TP53BP2: variants seen among roughly 807,000 people sequenced by gnomAD.
TP53BP2 encodes apoptosis-stimulating of p53 protein 2.
TP53BP2 carries 62 observed loss-of-function variants against 126.2 expected under a neutral mutation model. The ratio of observed to expected loss-of-function variants is 0.49; its 90% CI spans 0.40 to 0.61. The LOEUF is 0.61. Among genes scored for constraint, TP53BP2 ranks in the 20% least tolerant of loss-of-function variants. The pLI is 0.00. For missense variants in TP53BP2, 1,215 were observed against 1,402.8 expected, an observed-to-expected ratio of 0.87 and a Z score of 2.14; for synonymous variants, 485 against 502.9, an observed-to-expected ratio of 0.96 and a Z score of 0.48.
chr1:223,815,508 C>T (rs1484870378), intron 2 of TP53BP2, among the ~76,000 whole-genome samples: 4 of 152,178 alleles, frequency 2.6e-5, no homozygotes, highest in Non-Finnish European at 5.9e-5. Context: ...AGTAAAATCT[C>T]CAGGTTCCAG....
chr1:223,792,325 G>GAC, intron 15 of TP53BP2, 64 bp downstream of exon 15: 1 of 1,532,268 alleles, frequency 6.5e-7, no homozygotes, highest in Non-Finnish European at 8.8e-7. Flanking sequence ...ACAGCACTAT[G>GAC]ACAACTGCTT....
intron 1 of TP53BP2, among the ~76,000 whole-genome samples, chr1:223,830,805 A>G (rs962969688): frequency 3.9e-5 from 6 of 152,174 alleles, no homozygotes; most frequent in African/African-American, 1.4e-4. Context: ...CTTTAAAAAT[A>G]TATGTACCAT....
chr1:223,795,516 C>A (rs993243452), intron 13 of TP53BP2, among the ~76,000 whole-genome samples: 3 of 152,132 alleles, frequency 2.0e-5, no homozygotes, highest in African/African-American at 7.2e-5. Flanking sequence ...TCTTTTGAGT[C>A]CCAGTCGGGT....
At chr1:223,804,458 C>T (rs1025121474) in intron 5 of TP53BP2, 110 bp from the exon 6 acceptor site, 1 of 992,370 alleles carries the variant, frequency 1.0e-6, no homozygotes, top group African/African-American at 1.6e-5. Flanking sequence ...CACTTGTAAC[C>T]CTGGTCTGGT....
chr1:223,795,580 T>TTATAGGGA (rs1389004460), intron 13 of TP53BP2, among the ~76,000 whole-genome samples: 4 of 152,048 alleles, frequency 2.6e-5, no homozygotes, highest in African/African-American at 9.7e-5. Flanking sequence ...AATGCAGTGT[T>TTATAGGGA]TATAGGGATA....
chr1:223,831,279 T>C (rs1663700592), intron 1 of TP53BP2, among the ~76,000 whole-genome samples: 1 of 147,068 alleles, frequency 6.8e-6, no homozygotes, highest in Non-Finnish European at 1.5e-5. Context: ...CTGTAGTCCG[T>C]CCTAGCTACT....
chr1:223,821,122 C>T, intron 2 of TP53BP2, 98 bp downstream of exon 2: 1 of 1,486,930 alleles, frequency 6.7e-7, no homozygotes, highest in Non-Finnish European at 9.2e-7. Flanking sequence ...TCCAGTTTCT[C>T]CCCGGAGAAA....
chr1:223,835,521 T>C (rs987627680), intron 1 of TP53BP2, among the ~76,000 whole-genome samples: 3 of 152,204 alleles, frequency 2.0e-5, no homozygotes, highest in Non-Finnish European at 2.9e-5. Context: ...CTGTTACAGA[T>C]TTCATTCTGT....
intron 16 of TP53BP2, among the ~76,000 whole-genome samples, chr1:223,784,582 A>C (rs1348846660): frequency 2.0e-5 from 3 of 152,200 alleles, no homozygotes; most frequent in African/African-American, 7.2e-5. Context: ...CATCTCTTAA[A>C]GGAGCTACTC....
chr1:223,807,525 C>T (rs538725451), intron 4 of TP53BP2, among the ~76,000 whole-genome samples: 1 of 151,000 alleles, frequency 6.6e-6, no homozygotes, highest in Non-Finnish European at 1.5e-5. Flanking sequence ...ACTGCCTTCA[C>T]AGACAATATA....
chr1:223,838,633 C>T (rs1457278818), intron 1 of TP53BP2, among the ~76,000 whole-genome samples: 1 of 152,240 alleles, frequency 6.6e-6, no homozygotes, highest in Non-Finnish European at 1.5e-5. Flanking sequence ...TCCTACTCTG[C>T]TCCTTTCCTA....
At position 223,796,237 on chromosome 1, in the gene TP53BP2, T is replaced by A; in HGVS notation, c.2302A>T (p.Met768Leu). The A allele has an allele frequency of 6.2e-7, 1 of 1,614,150 alleles. No individual in the cohort carries two copies. Among genetic ancestry groups the A allele is most frequent in the Non-Finnish European group, 8.5e-7 (1 of 1,180,000 alleles). ...LLYQRTTIAA[M>L]ETISVPSYPS... Reference sequence around the variant, plus strand: ...TATGATGGGACAGAGATGGTCTCCATGGCCGCTATGGTGGTCCTCTGATAT... The same window carrying A: ...TATGATGGGACAGAGATGGTCTCCAAGGCCGCTATGGTGGTCCTCTGATAT... The change falls in exon 13 of 18, where the codon ATG becomes TTG. Residue 768 changes from methionine (M) to leucine (L), a missense_variant. By Grantham distance (15) the Met-to-Leu change is conservative (BLOSUM62 2). Around this residue, in one of 4 missense-constraint regions of TP53BP2, gnomAD observed 46 missense variants for 93.0 expected, o/e 0.49. Transcript: ENST00000343537. This position sits in a 1 kb window ranked among gnomAD's most constrained non-coding sequence, Gnocchi z 4.2.
rs141581768 is a variant in TP53BP2, at chr1:223,801,150, A to C, written c.1226-340T>G. ...AGGTGTATTTTATAAATGATATTTT[A>C]AGTGATACATGCACAACACAAAAGT... is the stretch of plus-strand genomic sequence containing the variant. On this transcript the variant is annotated intron_variant, in intron 9 of 17. Transcript: ENST00000343537. Among the ~76,000 whole-genome samples the C allele has an allele frequency of 6.8e-3, 1,043 of 152,368 alleles. 10 individuals carry two copies. The highest frequency in any genetic ancestry group is 0.024 in the African/African-American group (1,008 of 41,592).
chr1:223,804,174 C>G lies in TP53BP2; in HGVS notation c.649G>C (p.Val217Leu). The change falls in exon 6 of 18, where the codon GTG becomes CTG. Residue 217 changes from valine to leucine, a missense_variant and splice_region_variant. Val to Leu is a conservative substitution (Grantham distance 32). Around this residue, in one of 4 missense-constraint regions of TP53BP2, gnomAD observed 814 missense variants for 853.0 expected, o/e 0.95. Coordinates refer to ENST00000343537, the MANE Select transcript of TP53BP2 (RefSeq NM_001031685.3). ...AGTAAATCTATGAGGAACAACTCAC[C>G]AAGTTTCCCATTGCTTAGTCTCTTC... ...EQKRLSNGKL[V>L]EEIEQMNNLF... The G allele has an allele frequency of 6.3e-7, 1 of 1,596,688 alleles. No homozygotes were observed.
At chr1:223,794,333 C>G (rs965954260) in intron 13 of TP53BP2, among the ~76,000 whole-genome samples, 1 of 152,108 alleles carries the variant, frequency 6.6e-6, no homozygotes, top group Non-Finnish European at 1.5e-5. Context: ...AAACATTAAG[C>G]GACAATACAT....
intron 7 of TP53BP2, 23 bp downstream of exon 7, chr1:223,803,248 T>C: frequency 6.9e-6 from 11 of 1,587,528 alleles, no homozygotes; most frequent in Non-Finnish European, 9.4e-6. Context: ...TTGTACAGCT[T>C]TTGGCAAACA....
intron 2 of TP53BP2, among the ~76,000 whole-genome samples, chr1:223,815,430 A>G (rs1197084476): frequency 6.6e-6 from 1 of 152,204 alleles, no homozygotes; most frequent in Non-Finnish European, 1.5e-5. Flanking sequence ...AACACCTCCA[A>G]AAGAAATTCT....
At chr1:223,795,693 C>A in intron 13 of TP53BP2, 122 bp downstream of exon 13, 1 of 841,590 alleles carries the variant, frequency 1.2e-6, no homozygotes, top group Non-Finnish European at 1.7e-6. Flanking sequence ...TTATAAGATC[C>A]ACTCTGTGCC....
chr1:223,821,149 G>A lies in TP53BP2; in HGVS notation c.175+71C>T, dbSNP rs1048090913. 2.5e-6 allele frequency: 4 copies of A among 1,590,988 alleles called. No individual in the cohort carries two copies. In the African/African-American group the frequency reaches 5.4e-5, roughly 21 times the overall value. On this transcript the variant is annotated intron_variant, in intron 2 of 17. Coordinates refer to ENST00000343537, the MANE Select transcript of TP53BP2 (RefSeq NM_001031685.3). ...CCGGAGAAACATGAGCATTCACACAGTGCCACGTCTACAAACCAACATTAA... is the reference window on the plus strand; with the variant it reads ...CCGGAGAAACATGAGCATTCACACAATGCCACGTCTACAAACCAACATTAA...
Sources: allele counts gnomAD v4.1 joint callset (sites outside exome capture counted in the v4.1 genomes callset), GRCh38; gene constraint gnomAD v4.1.1; regional missense constraint gnomAD v4.1.1; non-coding constraint Gnocchi (gnomAD v3.1); transcripts MANE v1.5; gene names NCBI Gene and HGNC (gene_info 2026-07-23, HGNC 2026-07-21).